Variants in NXN observed in about 807,000 individuals in gnomAD.
The protein encoded by NXN is nucleoredoxin.
In NXN, 16 loss-of-function variants were observed where a neutral mutation model predicts 48.6. That is an observed-to-expected ratio of 0.33 (90% CI 0.22 to 0.50). The LOEUF is 0.50. Among genes scored for constraint, NXN ranks in the 20% least tolerant of loss-of-function variants. NXN has a pLI of 0.98. For missense variants in NXN, 492 were observed against 605.5 expected (o/e 0.81, Z 1.97); for synonymous variants, 281 against 269.6 (o/e 1.04, Z -0.41).
intron 1 of NXN, among the ~76,000 whole-genome samples, chr17:841,152 G>A (rs994752815): frequency 3.3e-5 from 5 of 152,220 alleles, no homozygotes; most frequent in Admixed American, 1.3e-4. Flanking sequence ...TCGTAGGCAC[G>A]AAGGGCTTGG....
At chr17:892,982 G>C (rs1365407946) in intron 1 of NXN, among the ~76,000 whole-genome samples, 1 of 152,230 alleles carries the variant, frequency 6.6e-6, no homozygotes, top group Non-Finnish European at 1.5e-5. Flanking sequence ...GGCAAGGGAG[G>C]GGTACCTGTG....
At chr17:939,956 ATT>A (rs58432448) in intron 1 of NXN, among the ~76,000 whole-genome samples, 4 of 148,604 alleles carry the variant, frequency 2.7e-5, no homozygotes, top group African/African-American at 2.5e-5. Context: ...TTTTTTTCTT[ATT>A]TTTTTTTTGC....
intron 1 of NXN, among the ~76,000 whole-genome samples, chr17:937,437 C>T (rs760878057): frequency 3.3e-5 from 5 of 152,020 alleles, no homozygotes; most frequent in Admixed American, 6.6e-5. Flanking sequence ...GGGGGCTCTG[C>T]GGTGATCCGT....
intron 1 of NXN, among the ~76,000 whole-genome samples, chr17:856,487 CTTTTTT>C (rs35579004): frequency 8.3e-6 from 1 of 121,098 alleles, no homozygotes; most frequent in Admixed American, 8.6e-5. Context: ...AAGTACTTGT[CTTTTTT>C]TTTTTTTTTT....
intron 5 of NXN, among the ~76,000 whole-genome samples, chr17:814,566 C>T (rs1174762106): frequency 2.0e-5 from 3 of 152,196 alleles, no homozygotes; most frequent in African/African-American, 4.8e-5. Context: ...GACACGTACT[C>T]GGACCAACAC....
rs369329176 is a variant in NXN, at chr17:825,958, T to C, written c.478+3A>G. 7 of 1,598,770 alleles carry C rather than the reference T, an allele frequency of 4.4e-6. No individual in the cohort carries two copies. In the African/African-American group the frequency reaches 9.4e-5, roughly 21 times the overall value. ...GGACCATATGCACGGGCTGAGGTTT[T>C]ACCTTCTGGGTCATCTCGGATCACC... On this transcript the variant is annotated splice_donor_region_variant and intron_variant, in intron 2 of 7. Transcript: ENST00000336868. This position sits in a 1 kb window ranked among gnomAD's most constrained non-coding sequence, Gnocchi z 4.1.
intron 1 of NXN, among the ~76,000 whole-genome samples, chr17:862,322 C>T (rs2068049017): frequency 6.6e-6 from 1 of 152,166 alleles, no homozygotes; most frequent in Admixed American, 6.5e-5. Context: ...TCGGGATCAG[C>T]TTCGGCAACA....
chr17:960,195 G>A (rs998187166), intron 1 of NXN, among the ~76,000 whole-genome samples: 1 of 152,086 alleles, frequency 6.6e-6, no homozygotes, highest in South Asian at 2.1e-4. Context: ...AAGCAATGGG[G>A]GTATTTACTT....
At chr17:960,131 CAT>C (rs1393560046) in intron 1 of NXN, among the ~76,000 whole-genome samples, 4 of 152,124 alleles carry the variant, frequency 2.6e-5, no homozygotes, top group South Asian at 2.1e-4. Flanking sequence ...ACATTTGGAA[CAT>C]GTGGGAATCA....
At chr17:805,831 C>G (rs1303122456) in intron 5 of NXN, among the ~76,000 whole-genome samples, 2 of 151,652 alleles carry the variant, frequency 1.3e-5, no homozygotes, top group Non-Finnish European at 2.9e-5. Flanking sequence ...GAGCAAGATT[C>G]TGTCTCTAAA....
In NXN at chr17:979,717, G is replaced by A. The variant is rs768559637; in HGVS notation, c.-39C>T. 16 of 1,313,434 alleles carry A rather than the reference G, an allele frequency of 1.2e-5. No homozygotes were observed. The African/African-American group carries it at 1.7e-4, about 14-fold the overall frequency. The allele number at this position is 1,313,434 out of a possible 1,614,324, so 81.4% of individuals were successfully genotyped here. The stretch of plus-strand genomic sequence containing the variant: ...AGGGCGGGCAGGCGGCTGCGACCCC[G>A]CTCCACGGTCCGCGCGGCGGGAGGA... On this transcript the variant is annotated 5_prime_UTR_variant, in exon 1 of 8. Transcript: ENST00000336868.
intron 1 of NXN, among the ~76,000 whole-genome samples, chr17:840,831 C>G (rs1448086510): frequency 1.3e-5 from 2 of 152,194 alleles, no homozygotes; most frequent in Non-Finnish European, 2.9e-5. Flanking sequence ...CAAATGCTGT[C>G]AAACACACAG....
At chr17:903,062 A>G (rs910717592) in intron 1 of NXN, among the ~76,000 whole-genome samples, 4 of 147,096 alleles carry the variant, frequency 2.7e-5, no homozygotes, top group Admixed American at 6.8e-5. Context: ...GAGCCACCGC[A>G]CCCAGCCTCC....
At chr17:852,225 C>T (rs1205647499) in intron 1 of NXN, among the ~76,000 whole-genome samples, 6 of 152,312 alleles carry the variant, frequency 3.9e-5, no homozygotes, top group Non-Finnish European at 5.9e-5. Context: ...CGGGGGCATC[C>T]GGATGACACC....
At chr17:806,743 G>T (rs761373012) in intron 5 of NXN, among the ~76,000 whole-genome samples, 18 of 152,152 alleles carry the variant, frequency 1.2e-4, no homozygotes, top group Non-Finnish European at 2.5e-4. Flanking sequence ...CAGACATATG[G>T]CCCTCGTGTT....
At chr17:816,634 G>A (rs1452209068) in intron 5 of NXN, among the ~76,000 whole-genome samples, 3 of 152,106 alleles carry the variant, frequency 2.0e-5, no homozygotes, top group Admixed American at 6.6e-5. Flanking sequence ...CCATCTGCAC[G>A]ATTAGGGTGA....
chr17:872,642 C>T (rs1028683906), intron 1 of NXN, among the ~76,000 whole-genome samples: 43 of 91,178 alleles, frequency 4.7e-4, no homozygotes, highest in African/African-American at 2.0e-3. Flanking sequence ...TTTTTTGAGA[C>T]GGAGTTTCCC....
At chr17:895,799 T>A (rs62068455) in intron 1 of NXN, among the ~76,000 whole-genome samples, 1 of 120,160 alleles carries the variant, frequency 8.3e-6, no homozygotes, top group Non-Finnish European at 1.9e-5. Context: ...GCCTGGGTTT[T>A]GTTTGTCTCA....
chr17:813,829 A>G (rs1413362967), intron 5 of NXN, among the ~76,000 whole-genome samples: 1 of 151,894 alleles, frequency 6.6e-6, no homozygotes, highest in Non-Finnish European at 1.5e-5. Context: ...AGCTGGGCGT[A>G]GTGGCAGGTG....
Sources: gnomAD v4.1 joint callset for allele counts (sites outside exome capture counted in the v4.1 genomes callset) on GRCh38, gnomAD v4.1.1 for gene constraint, Gnocchi (gnomAD v3.1) non-coding constraint, MANE v1.5 for transcripts, NCBI Gene and HGNC (gene_info 2026-07-23, HGNC 2026-07-21) for gene names.